Variants in WDR17 observed in about 807,000 individuals in gnomAD.
The protein encoded by WDR17 is WD repeat domain 17, also known as WD repeat-containing protein 17.
A neutral mutation model predicts 161.7 loss-of-function variants in WDR17; 143 were observed. The ratio of observed to expected loss-of-function variants is 0.88; its 90% CI spans 0.77 to 1.02. WDR17 has a LOEUF of 1.02. Among genes scored for constraint, WDR17 ranks in the 50% least tolerant of loss-of-function variants. The pLI is 0.00. For synonymous variants in WDR17, 517 were observed against 515.6 expected, an observed-to-expected ratio of 1.00 and a Z score of -0.04; for missense variants, 1,469 against 1,520.9, an observed-to-expected ratio of 0.97 and a Z score of 0.57.
chr4:176,170,937 C>T (rs1320906420), intron 23 of WDR17, among the ~76,000 whole-genome samples: 1 of 152,222 alleles, frequency 6.6e-6, no homozygotes, highest in Non-Finnish European at 1.5e-5. Context: ...ACCTACCAAA[C>T]ATCATAGCTT....
rs759302978 is a variant in WDR17, at chr4:176,177,012, T to A, written c.3450-46T>A. On this transcript the variant is annotated intron_variant, in intron 26 of 28. Coordinates refer to ENST00000508596, the MANE Select transcript of WDR17 (RefSeq NM_181265.4). ...TAAAGTTTGTTTGCTTTTTCTGATA[T>A]CTTAGTTTTTGGTATCAGATGTTAA... 7.4e-6 allele frequency: 10 copies of A among 1,347,710 alleles called. No homozygotes were observed. In the South Asian group the frequency reaches 9.4e-5, roughly 13 times the overall value. The allele number at this position is 1,347,710 out of a possible 1,614,324, so 83.5% of individuals were successfully genotyped here.
intron 1 of WDR17, among the ~76,000 whole-genome samples, chr4:176,069,081 A>G (rs1732890473): frequency 6.6e-6 from 1 of 152,184 alleles, no homozygotes. Flanking sequence ...TAGAAGGCAG[A>G]GTTCAGGTTG....
chr4:176,108,450 CT>C (rs34282769), intron 1 of WDR17, among the ~76,000 whole-genome samples: 6 of 152,036 alleles, frequency 3.9e-5, no homozygotes, highest in African/African-American at 1.2e-4. Context: ...GCACAAAGGA[CT>C]TTTTAGAGCC....
intron 2 of WDR17, 28 bp downstream of exon 2, chr4:176,111,731 A>T (rs1739780190): frequency 3.3e-6 from 5 of 1,517,456 alleles, no homozygotes; most frequent in Admixed American, 2.0e-5. Context: ...TTCCATTTTT[A>T]ATTATATCCG....
intron 11 of WDR17, among the ~76,000 whole-genome samples, chr4:176,145,143 G>T (rs182707414): frequency 4.4e-4 from 67 of 152,252 alleles, no homozygotes; most frequent in Non-Finnish European, 5.3e-4. Context: ...GTGTGTAACT[G>T]CCTTTCTTTA....
intron 7 of WDR17, among the ~76,000 whole-genome samples, chr4:176,134,405 C>T (rs1476033261): frequency 6.6e-6 from 1 of 151,844 alleles, no homozygotes; most frequent in African/African-American, 2.4e-5. Flanking sequence ...GGACTCTTAA[C>T]GGATTTTCCC....
In WDR17 at chr4:176,142,973, G is replaced by A. The variant is rs538802409; in HGVS notation, c.1529+904G>A. Among the ~76,000 whole-genome samples, 12 of 152,232 alleles carry A rather than the reference G, an allele frequency of 7.9e-5. No individual in the cohort carries two copies. The South Asian group carries it at 2.1e-3, about 26-fold the overall frequency. ...CGGCTCACGGCAACCTCCGCCTCCC[G>A]GGTTCAAGCGATTCTCCAGCCTCAG... On this transcript the variant is annotated intron_variant, in intron 11 of 28. Transcript: ENST00000508596.
intron 20 of WDR17, among the ~76,000 whole-genome samples, chr4:176,161,322 T>TA (rs1177749508): frequency 6.6e-6 from 1 of 152,202 alleles, no homozygotes; most frequent in Non-Finnish European, 1.5e-5. Context: ...GAAAATAAGA[T>TA]AGACTGCTTA....
intron 1 of WDR17, among the ~76,000 whole-genome samples, chr4:176,072,772 G>T (rs1733408015): frequency 6.6e-6 from 1 of 152,090 alleles, no homozygotes; most frequent in Non-Finnish European, 1.5e-5. Flanking sequence ...TGTTTTTAGG[G>T]TTTTATTTTT....
At position 176,160,119 on chromosome 4, in the gene WDR17, T is replaced by A. The variant is rs780387503; in HGVS notation, c.2651T>A (p.Val884Asp). ...GGTCAGCTTAAAGAAGCTCTGCTTGTTGCACAGGTAAAACCACAGAACTAC... is the reference window on the plus strand; with the variant it reads ...GGTCAGCTTAAAGAAGCTCTGCTTGATGCACAGGTAAAACCACAGAACTAC... ...SRGQLKEALL[V>D]AQAACEGNMQ... Residue 884 changes from valine to aspartate, a missense_variant, in exon 19 of 29, where the codon GTT becomes GAT. Transcript: ENST00000508596. The A allele has an allele frequency of 1.2e-6, 2 of 1,613,524 alleles. No individual in the cohort carries two copies. Among genetic ancestry groups the A allele is most frequent in the Middle Eastern group, 1.7e-4 (1 of 6,058 alleles).
intron 13 of WDR17, among the ~76,000 whole-genome samples, chr4:176,148,542 A>G (rs1000735382): frequency 3.3e-5 from 5 of 152,232 alleles, no homozygotes; most frequent in African/African-American, 9.6e-5. Context: ...GAAGATGACT[A>G]TTGTTAGCAC....
intron 11 of WDR17, among the ~76,000 whole-genome samples, chr4:176,142,783 A>G (rs73871908): frequency 0.016 from 2,426 of 152,328 alleles, 63 homozygotes; most frequent in African/African-American, 0.054. Flanking sequence ...CTAAAGCCTA[A>G]TTATACTTGT....
intron 9 of WDR17, 54 bp from the exon 10 acceptor site, chr4:176,139,838 G>T: frequency 7.1e-7 from 1 of 1,411,338 alleles, no homozygotes; most frequent in Non-Finnish European, 9.8e-7. Context: ...AAATATATAA[G>T]AGAAAAAAGG....
intron 22 of WDR17, among the ~76,000 whole-genome samples, chr4:176,167,980 C>G (rs1170203753): frequency 6.6e-6 from 1 of 151,544 alleles, no homozygotes; most frequent in African/African-American, 2.4e-5. Flanking sequence ...AACCCTGTCT[C>G]TACTAAAAAT....
chr4:176,147,915 T>G (rs913499209), intron 12 of WDR17, among the ~76,000 whole-genome samples: 1 of 152,140 alleles, frequency 6.6e-6, no homozygotes, highest in Non-Finnish European at 1.5e-5. Context: ...TTAATTAGCT[T>G]GATTTAATTA....
At chr4:176,072,541 T>C (rs1733373378) in intron 1 of WDR17, among the ~76,000 whole-genome samples, 3 of 152,214 alleles carry the variant, frequency 2.0e-5, no homozygotes, top group Admixed American at 2.0e-4. Context: ...TATGTTGCTA[T>C]CTATCACAAT....
At chr4:176,149,574 C>T (rs1746778896) in intron 13 of WDR17, among the ~76,000 whole-genome samples, 1 of 151,958 alleles carries the variant, frequency 6.6e-6, no homozygotes, top group African/African-American at 2.4e-5. Flanking sequence ...TTTCCAGCCT[C>T]TAATGGTTAT....
At chr4:176,149,725 G>T in intron 13 of WDR17, 82 bp from the exon 14 acceptor site, 1 of 1,538,162 alleles carries the variant, frequency 6.5e-7, no homozygotes, top group South Asian at 1.2e-5. Flanking sequence ...CTTCAATTCT[G>T]TAGAAGTTTT....
chr4:176,160,470 C>T (rs570620156), intron 19 of WDR17, among the ~76,000 whole-genome samples: 4 of 152,100 alleles, frequency 2.6e-5, no homozygotes, highest in African/African-American at 7.2e-5. Context: ...TACAGGCACC[C>T]GCCACCATGC....
Sources: allele counts gnomAD v4.1 joint callset (sites outside exome capture counted in the v4.1 genomes callset), GRCh38; gene constraint gnomAD v4.1.1; transcripts MANE v1.5; gene names NCBI Gene and HGNC (gene_info 2026-07-23, HGNC 2026-07-21).